Variants in ZNF438 observed in about 807,000 individuals in gnomAD.
The protein encoded by ZNF438 is zinc finger protein 438.
In ZNF438, 25 loss-of-function variants were observed where a neutral mutation model predicts 38.0. The ratio of observed to expected loss-of-function variants is 0.66; its 90% CI spans 0.48 to 0.92. ZNF438 has a LOEUF of 0.92. Ranked by LOEUF, ZNF438 falls within the 40% of genes least tolerant of loss-of-function variation. The pLI, the probability that ZNF438 is intolerant of heterozygous loss-of-function variation, is 0.00. For synonymous variants in ZNF438, 372 were observed against 364.1 expected (o/e 1.02, Z -0.25); for missense variants, 1,007 against 999.6 (o/e 1.01, Z -0.10).
chr10:30,930,705 G>A (rs1470769859), intron 2 of ZNF438, among the ~76,000 whole-genome samples: 2 of 149,128 alleles, frequency 1.3e-5, no homozygotes, highest in Non-Finnish European at 3.0e-5. Flanking sequence ...TACTCAGGAG[G>A]CTGAGGCAGG....
At chr10:30,954,048 C>G (rs2135880545) in intron 1 of ZNF438, among the ~76,000 whole-genome samples, 1 of 152,162 alleles carries the variant, frequency 6.6e-6, no homozygotes, top group South Asian at 2.1e-4. Flanking sequence ...AAGGCTGAGG[C>G]AGGAGAATCA....
At chr10:30,913,091 C>T (rs909546293) in intron 2 of ZNF438, among the ~76,000 whole-genome samples, 7 of 152,072 alleles carry the variant, frequency 4.6e-5, no homozygotes, top group African/African-American at 1.2e-4. Flanking sequence ...TGTAACCAGT[C>T]GAGACACTTC....
At chr10:30,966,584 C>T (rs774772563) in intron 1 of ZNF438, among the ~76,000 whole-genome samples, 1 of 150,874 alleles carries the variant, frequency 6.6e-6, no homozygotes, top group East Asian at 2.0e-4. Flanking sequence ...GCAGCAGAAT[C>T]GCTTGAACCT....
chr10:30,925,119 G>T (rs2044759461), intron 2 of ZNF438, among the ~76,000 whole-genome samples: 2 of 152,080 alleles, frequency 1.3e-5, no homozygotes, highest in Admixed American at 1.3e-4. Context: ...AGACAATTAA[G>T]TCATTTGCCA....
intron 3 of ZNF438, 74 bp from the exon 5 acceptor site, chr10:30,877,139 A>C: frequency 1.3e-6 from 1 of 790,008 alleles, no homozygotes; most frequent in South Asian, 3.0e-5. Context: ...AAATATAGAA[A>C]TTCTAAGCTG....
At chr10:30,919,167 C>T (rs2043997627) in intron 2 of ZNF438, 1 of 152,052 alleles carries the variant, frequency 6.6e-6, no homozygotes, top group African/African-American at 2.4e-5. Context: ...ATGGGTTTTC[C>T]TGAACTACTA....
Position 30,940,131 on chromosome 10 carries a change from A to C in ZNF438, c.-115+1444T>G, listed in dbSNP as rs535055350. ...GAACATATGCATTTATAAGGATGAAAGACAAAGGAAATGATGAGAGAAAAA... is the reference window on the plus strand; with the variant it reads ...GAACATATGCATTTATAAGGATGAACGACAAAGGAAATGATGAGAGAAAAA... On this transcript the variant is annotated intron_variant, in intron 2 of 5. Coordinates refer to ENST00000413025, the Ensembl canonical transcript of ZNF438. 2.2e-4 allele frequency among the ~76,000 whole-genome samples: 34 copies of C among 152,252 alleles called. 1 individual carries two copies. The highest frequency in any genetic ancestry group is 6.8e-3 in the Middle Eastern group (2 of 294).
chr10:30,872,425 CAAAAAAAAAAAAAAAAAAAAA>C (rs566401687), intron 4 of ZNF438, among the ~76,000 whole-genome samples: 5 of 58,698 alleles, frequency 8.5e-5, no homozygotes, highest in Non-Finnish European at 9.8e-5. Context: ...GACTCTGTCT[CAAAAAAAAAAAAAAAAAAAAA>C]AAAAAAAAAA....
chr10:30,996,990 T>C (rs1291302612), intron 1 of ZNF438, among the ~76,000 whole-genome samples: 1 of 152,064 alleles, frequency 6.6e-6, no homozygotes, highest in Non-Finnish European at 1.5e-5. Context: ...TACCTTGAGA[T>C]TAGTGAGAAC....
Position 30,858,273 on chromosome 10 carries a change from C to T in ZNF438, c.38-7906G>A, listed in dbSNP as rs527991228. Among the ~76,000 whole-genome samples the T allele has an allele frequency of 3.3e-5, 5 of 152,218 alleles. No homozygotes were observed. In the South Asian group the frequency reaches 1.0e-3, roughly 32 times the overall value. On this transcript the variant is annotated intron_variant, in intron 4 of 5. Transcript: ENST00000413025. ...ATTTTCAATTTCATTCGTTGTTATC[C>T]CTGTTTTCCCTGCCACTTGGCTTTC...
intron 1 of ZNF438, among the ~76,000 whole-genome samples, chr10:31,001,232 C>T (rs527367738): frequency 6.6e-6 from 1 of 152,316 alleles, no homozygotes; most frequent in Admixed American, 6.5e-5. Flanking sequence ...AAAAAAACAA[C>T]TACCATTTAT....
Position 31,009,328 on chromosome 10 carries a change from G to A in ZNF438, c.-192+22505C>T, listed in dbSNP as rs989639040. On this transcript the variant is annotated intron_variant, in intron 1 of 5. Transcript: ENST00000413025. ...TAACTGGCACTCTTTTAAAGAAAAC[G>A]TACAGCTGTGCCTCTGCTTCCATTA... Among the ~76,000 whole-genome samples the A allele has an allele frequency of 2.0e-5, 3 of 152,126 alleles. No individual in the cohort carries two copies. In the East Asian group the frequency reaches 5.8e-4, roughly 29 times the overall value.
Position 30,972,094 on chromosome 10 carries a change from C to T in ZNF438, c.-191-30443G>A, listed in dbSNP as rs371827517. Among the ~76,000 whole-genome samples, 14 of 151,874 alleles carry T rather than the reference C, an allele frequency of 9.2e-5. No homozygotes were observed. The East Asian group carries it at 2.1e-3, about 23-fold the overall frequency. ...ACGCCATTGTCCTGCTTCAGTCTCCCGAGTAGCTGGGACTACAGGTGCCCA... is the reference window on the plus strand; with the variant it reads ...ACGCCATTGTCCTGCTTCAGTCTCCTGAGTAGCTGGGACTACAGGTGCCCA... On this transcript the variant is annotated intron_variant, in intron 1 of 5. Transcript: ENST00000413025.
chr10:31,028,695 C>G (rs1343923773), intron 1 of ZNF438, among the ~76,000 whole-genome samples: 1 of 152,184 alleles, frequency 6.6e-6, no homozygotes, highest in Non-Finnish European at 1.5e-5. Flanking sequence ...CCCTGCTCCT[C>G]TAAGGTAAAG....
chr10:30,986,190 C>A (rs1259583062), intron 1 of ZNF438, among the ~76,000 whole-genome samples: 1 of 152,070 alleles, frequency 6.6e-6, no homozygotes, highest in Non-Finnish European at 1.5e-5. Flanking sequence ...AGAATTTAAC[C>A]CTGTTGTTAA....
Position 30,974,580 on chromosome 10 carries a change from G to A in ZNF438, c.-191-32929C>T, listed in dbSNP as rs549797466. On this transcript the variant is annotated intron_variant, in intron 1 of 5. Coordinates refer to ENST00000413025, the Ensembl canonical transcript of ZNF438. ...ATAGGGACAATCGACTGCAACATGC[G>A]TCATGTCACTTACCTAATACGAAGT... Among the ~76,000 whole-genome samples the A allele has an allele frequency of 1.1e-4, 17 of 152,250 alleles. No homozygotes were observed. The East Asian group carries it at 1.9e-3, about 17-fold the overall frequency.
At chr10:31,013,180 G>A (rs186258395) in intron 1 of ZNF438, among the ~76,000 whole-genome samples, 4 of 152,260 alleles carry the variant, frequency 2.6e-5, no homozygotes, top group Non-Finnish European at 4.4e-5. Context: ...TTAGCCGCGC[G>A]CGGTGGCGGG....
chr10:30,872,425 C>CAAAAAAAAAAAAAAAAAAAA (rs566401687), intron 4 of ZNF438, among the ~76,000 whole-genome samples: 4 of 58,698 alleles, frequency 6.8e-5, no homozygotes, highest in South Asian at 7.6e-4. Context: ...GACTCTGTCT[C>CAAAAAAAAAAAAAAAAAAAA]AAAAAAAAAA....
intron 4 of ZNF438, among the ~76,000 whole-genome samples, chr10:30,873,105 G>A (rs982813750): frequency 3.9e-5 from 6 of 152,080 alleles, no homozygotes; most frequent in African/African-American, 1.4e-4. Context: ...TTATTATGTT[G>A]TTTTCATGCC....
Sources: allele counts gnomAD v4.1 joint callset (sites outside exome capture counted in the v4.1 genomes callset), GRCh38; gene constraint gnomAD v4.1.1; transcripts MANE v1.5; gene names NCBI Gene and HGNC (gene_info 2026-07-23, HGNC 2026-07-21).